CNTN4: variants seen among roughly 807,000 people sequenced by gnomAD.
CNTN4 encodes the protein contactin-4.
Under a neutral mutation model 122.5 loss-of-function variants are expected in CNTN4, and 77 were observed. The observed-to-expected ratio is 0.63, with a 90% CI of 0.52 to 0.76. CNTN4 has a LOEUF of 0.76. CNTN4 is among the 30% of genes least tolerant of loss of function. The pLI is 0.00. For missense variants in CNTN4, 1,256 were observed against 1,259.1 expected (o/e 1.00, Z 0.04); for synonymous variants, 512 against 447.0 (o/e 1.15, Z -1.83).
intron 3 of CNTN4, among the ~76,000 whole-genome samples, chr3:2,414,741 A>G (rs930753061): frequency 1.2e-4 from 18 of 152,172 alleles, no homozygotes; most frequent in African/African-American, 3.4e-4. Flanking sequence ...AAATTTTTCT[A>G]TAGTATGGAG....
intron 3 of CNTN4, among the ~76,000 whole-genome samples, chr3:2,372,665 C>G (rs2045675219): frequency 6.6e-6 from 1 of 151,948 alleles, no homozygotes; most frequent in South Asian, 2.1e-4. Flanking sequence ...TTCTTCAGCT[C>G]TAGAAAAGGA....
chr3:2,938,271 C>T (rs564384152), intron 13 of CNTN4, among the ~76,000 whole-genome samples: 2 of 151,776 alleles, frequency 1.3e-5, no homozygotes, highest in South Asian at 4.2e-4. Context: ...ATTTTTATCT[C>T]TGTAAAAAAA....
At chr3:2,908,852 T>C (rs11129336) in intron 12 of CNTN4, among the ~76,000 whole-genome samples, 83,886 of 151,856 alleles carry the variant, frequency 0.55, 23,466 homozygotes, top group East Asian at 0.68. Context: ...GTAGCTTCTA[T>C]CCTGAGGAAA....
chr3:2,238,511 A>G (rs1371032266), intron 2 of CNTN4, among the ~76,000 whole-genome samples: 1 of 151,898 alleles, frequency 6.6e-6, no homozygotes, highest in Non-Finnish European at 1.5e-5. Flanking sequence ...CTTAGAAAAT[A>G]TCTTAAATTT....
intron 6 of CNTN4, among the ~76,000 whole-genome samples, chr3:2,765,122 C>T (rs1216023768): frequency 6.6e-6 from 1 of 152,294 alleles, no homozygotes; most frequent in Admixed American, 6.5e-5. Context: ...TTCTAAATGC[C>T]GTACTGTCAA....
intron 6 of CNTN4, among the ~76,000 whole-genome samples, chr3:2,762,426 C>T (rs2090632976): frequency 6.6e-6 from 1 of 152,170 alleles, no homozygotes; most frequent in South Asian, 2.1e-4. Context: ...GATGTGTTCT[C>T]ATCATTTAGC....
chr3:2,282,795 A>C (rs1460526624), intron 2 of CNTN4, among the ~76,000 whole-genome samples: 2 of 152,186 alleles, frequency 1.3e-5, no homozygotes, highest in African/African-American at 2.4e-5. Context: ...CATAACCATA[A>C]ATGGAATATT....
chr3:2,697,308 T>G (rs997673658), intron 4 of CNTN4, among the ~76,000 whole-genome samples: 1 of 152,230 alleles, frequency 6.6e-6, no homozygotes. Context: ...CTCCTGCTTT[T>G]GCAATAGCAT....
chr3:3,011,858 C>G (rs908813403), intron 14 of CNTN4, among the ~76,000 whole-genome samples: 1 of 151,052 alleles, frequency 6.6e-6, no homozygotes, highest in East Asian at 1.9e-4. Context: ...TTAAAACAGA[C>G]CCAGGCACAA....
chr3:2,350,755 T>C (rs534116823), intron 3 of CNTN4, among the ~76,000 whole-genome samples: 1 of 152,294 alleles, frequency 6.6e-6, no homozygotes, highest in African/African-American at 2.4e-5. Flanking sequence ...AATCAGGAAC[T>C]ATCTAAATGA....
At position 2,977,472 on chromosome 3, in the gene CNTN4, A is replaced by AC. The variant is rs574391398; in HGVS notation, c.1359-10868dup. 3.0e-4 allele frequency among the ~76,000 whole-genome samples: 45 copies of AC among 151,474 alleles called. No individual in the cohort carries two copies. In the South Asian group the frequency reaches 9.3e-3, roughly 31 times the overall value. The stretch of plus-strand genomic sequence containing the variant: ...ATTCTTTGATACATTACCCATTACC[A>AC]CCCCCAAACTGTCTTTTATACTCCT... On this transcript the variant is annotated intron_variant, in intron 13 of 24. Transcript: ENST00000418658.
chr3:2,403,899 A>G (rs1203327093), intron 3 of CNTN4, among the ~76,000 whole-genome samples: 1 of 152,184 alleles, frequency 6.6e-6, no homozygotes, highest in Non-Finnish European at 1.5e-5. Context: ...GCTGCTCTTT[A>G]GAAAATGGGT....
rs1324455364 is a variant in CNTN4, at chr3:2,900,330, T to C, written c.941-355T>C. ...GGCAAATGTAGTGCCTACCTGGAAATATACCAGCCTGGTTAAAAGTGGGAG... is the reference window on the plus strand; with the variant it reads ...GGCAAATGTAGTGCCTACCTGGAAACATACCAGCCTGGTTAAAAGTGGGAG... On this transcript the variant is annotated intron_variant, in intron 10 of 24. Transcript: ENST00000418658. Among the ~76,000 whole-genome samples the C allele has an allele frequency of 3.3e-5, 5 of 151,880 alleles. No individual in the cohort carries two copies. In the East Asian group the frequency reaches 7.7e-4, roughly 23 times the overall value.
rs540117001 is a variant in CNTN4, at chr3:3,027,660, T to C, written c.1662+1383T>C. On this transcript the variant is annotated intron_variant, in intron 15 of 24. Transcript: ENST00000418658. The stretch of plus-strand genomic sequence containing the variant: ...CATTCTTCATAAATTAAGCAGAATG[T>C]TCTCACATTAAAACCAATTTCTTGG... 9.8e-5 allele frequency among the ~76,000 whole-genome samples: 15 copies of C among 152,290 alleles called. No homozygotes were observed. The South Asian group carries it at 2.9e-3, about 29-fold the overall frequency.
chr3:2,271,142 A>C (rs1311988240), intron 2 of CNTN4, among the ~76,000 whole-genome samples: 1 of 152,172 alleles, frequency 6.6e-6, no homozygotes, highest in Non-Finnish European at 1.5e-5. Flanking sequence ...CTTTAGAATT[A>C]ACTGCCTCCA....
intron 18 of CNTN4, 173 bp downstream of exon 18, chr3:3,037,501 A>G (rs17657874): frequency 0.033 from 27,803 of 837,336 alleles, 597 homozygotes; most frequent in Middle Eastern, 0.048. Context: ...CTGAACACGC[A>G]ACGGGTTTCA....
At chr3:2,215,423 G>A (rs1575099011) in intron 2 of CNTN4, among the ~76,000 whole-genome samples, 1 of 152,148 alleles carries the variant, frequency 6.6e-6, no homozygotes. Flanking sequence ...CCACAGCAGT[G>A]AGTTTTTCCT....
intron 13 of CNTN4, among the ~76,000 whole-genome samples, chr3:2,961,231 C>CACAAAAAAAAAAA (rs1208900538): frequency 2.7e-5 from 1 of 37,260 alleles, no homozygotes; most frequent in African/African-American, 1.0e-4. Flanking sequence ...CTCCATCTCA[C>CACAAAAAAAAAAA]AAAAAAAAAA....
At chr3:2,735,367 G>A (rs1303520478) in intron 4 of CNTN4, among the ~76,000 whole-genome samples, 2 of 152,282 alleles carry the variant, frequency 1.3e-5, no homozygotes, top group South Asian at 4.1e-4. Flanking sequence ...GCCACTTAAG[G>A]TATGGTTTGT....
Sources: allele counts gnomAD v4.1 joint callset (sites outside exome capture counted in the v4.1 genomes callset), GRCh38; gene constraint gnomAD v4.1.1; transcripts MANE v1.5; gene names NCBI Gene and HGNC (gene_info 2026-07-23, HGNC 2026-07-21).